The following SOCS4 variants were observed in gnomAD, a reference collection of about 807,000 sequenced individuals.
SOCS4 encodes the protein SH2 domain containing SOCS box protein.
In SOCS4, 20 loss-of-function variants were observed where a neutral mutation model predicts 34.1. The observed-to-expected ratio is 0.59, with a 90% CI of 0.41 to 0.85. The LOEUF (loss-of-function observed/expected upper bound fraction) is 0.85, where lower values mean the gene tolerates loss of function less well. Ranked by LOEUF, SOCS4 falls within the 40% of genes least tolerant of loss-of-function variation. The pLI, the probability that SOCS4 is intolerant of heterozygous loss-of-function variation, is 0.00. For missense variants in SOCS4, 479 were observed against 532.4 expected (o/e 0.90, Z 0.99); for synonymous variants, 180 against 186.4 (o/e 0.97, Z 0.28).
intron 1 of SOCS4, among the ~76,000 whole-genome samples, chr14:55,028,115 T>C (rs2042486617): frequency 6.6e-6 from 1 of 152,256 alleles, no homozygotes; most frequent in South Asian, 2.1e-4. Flanking sequence ...ACATTTATTT[T>C]ATTACCTGAG....
chr14:55,038,396 G>A (rs553036478), intron 2 of SOCS4, among the ~76,000 whole-genome samples: 1 of 152,304 alleles, frequency 6.6e-6, no homozygotes, highest in East Asian at 1.9e-4. Context: ...CTGTGGATAT[G>A]TGTGCTTCAC....
In SOCS4 at chr14:55,045,678, A is replaced by T. The variant is rs1217395739; in HGVS notation, c.*1314A>T. On this transcript the variant is annotated 3_prime_UTR_variant, in exon 3 of 3. Coordinates refer to ENST00000555846, the MANE Select transcript of SOCS4 (RefSeq NM_199421.2). ...GTAAAAATAAATGGAGTGGTATCCTATCTTCTTTTTTTAAGGAATCAATGA... is the reference window on the plus strand; with the variant it reads ...GTAAAAATAAATGGAGTGGTATCCTTTCTTCTTTTTTTAAGGAATCAATGA... The T allele has an allele frequency of 5.4e-5, 9 of 166,916 alleles. No individual in the cohort carries two copies. Among genetic ancestry groups the T allele is most frequent in the Non-Finnish European group, 1.3e-4 (9 of 68,010 alleles). 10.3% of individuals were successfully genotyped at this position (166,916 alleles called of 1,614,324 possible).
At chr14:55,037,958 T>C (rs1017529004) in intron 2 of SOCS4, among the ~76,000 whole-genome samples, 9 of 152,238 alleles carry the variant, frequency 5.9e-5, no homozygotes, top group African/African-American at 1.9e-4. Context: ...AAAAGTCTTA[T>C]ATTAGTCTGT....
intron 2 of SOCS4, among the ~76,000 whole-genome samples, chr14:55,039,964 GC>G (rs1219200192): frequency 6.6e-6 from 1 of 152,120 alleles, no homozygotes; most frequent in Non-Finnish European, 1.5e-5. Flanking sequence ...AGGAAGAAAT[GC>G]CACAATTTAG....
In SOCS4 at chr14:55,044,058, T is replaced by C. The variant is rs772007176; in HGVS notation, c.1017T>C (p.Asn339=). 7 of 1,614,046 alleles carry C rather than the reference T, an allele frequency of 4.3e-6. No homozygotes were observed. Residue 339 remains asparagine, a synonymous_variant, in exon 3 of 3, where the codon AAT becomes AAC. Coordinates refer to ENST00000555846, the MANE Select transcript of SOCS4 (RefSeq NM_199421.2). ...RSLHARIEQW[N]HNFSFDAHDP... ...TTCATGCTAGAATTGAACAGTGGAA[T>C]CACAACTTTAGCTTTGATGCACATG...
chr14:55,031,321 G>A (rs1433657290), intron 1 of SOCS4, among the ~76,000 whole-genome samples: 2 of 152,112 alleles, frequency 1.3e-5, no homozygotes, highest in East Asian at 1.9e-4. Context: ...CTTAGGGAAT[G>A]TACACTGATG....
At chr14:55,038,716 TAAG>T (rs2042593438) in intron 2 of SOCS4, among the ~76,000 whole-genome samples, 1 of 152,212 alleles carries the variant, frequency 6.6e-6, no homozygotes, top group African/African-American at 2.4e-5. Flanking sequence ...TAAATGTGGA[TAAG>T]AAACTGAGAA....
intron 2 of SOCS4, among the ~76,000 whole-genome samples, chr14:55,039,010 A>G (rs1342288254): frequency 1.3e-5 from 2 of 151,916 alleles, no homozygotes; most frequent in South Asian, 2.1e-4. Context: ...TATTTCTCAT[A>G]TTTTCTTGTT....
rs1297837341 is a variant in SOCS4 at position 55,045,700 on chromosome 14, A to G, written c.*1336A>G. The G allele has an allele frequency of 6.0e-6, 1 of 166,944 alleles. No homozygotes were observed. The highest frequency in any genetic ancestry group is 2.4e-5 in the African/African-American group (1 of 41,452). The allele number at this position is 166,944 out of a possible 1,614,324, so 10.3% of individuals were successfully genotyped here. A position where few individuals can be genotyped will look rare whatever the true frequency, so the allele number is the denominator to read the frequency against. On this transcript the variant is annotated 3_prime_UTR_variant, in exon 3 of 3. Transcript: ENST00000555846. ...CCTATCTTCTTTTTTTAAGGAATCA[A>G]TGAATAATAAATGTAGATAGACAAT...
Position 55,048,695 on chromosome 14 carries a change from G to A in SOCS4, c.*4331G>A, listed in dbSNP as rs941218608. 1 of 166,926 alleles carries A rather than the reference G, an allele frequency of 6.0e-6. No individual in the cohort carries two copies. Among genetic ancestry groups the A allele is most frequent in the African/African-American group, 2.4e-5 (1 of 41,392 alleles). 10.3% of individuals were successfully genotyped at this position (166,926 alleles called of 1,614,324 possible). A position where few individuals can be genotyped will look rare whatever the true frequency, so the allele number is the denominator to read the frequency against. Reference sequence around the variant, plus strand: ...TTAATGGATATAACCCAATAGAAAGGGATTTTCAAATAAAACCAAAGTCTA... The same window carrying A: ...TTAATGGATATAACCCAATAGAAAGAGATTTTCAAATAAAACCAAAGTCTA... On this transcript the variant is annotated 3_prime_UTR_variant, in exon 3 of 3. Coordinates refer to ENST00000555846, the MANE Select transcript of SOCS4 (RefSeq NM_199421.2).
In SOCS4 at chr14:55,044,343, T is replaced by TG. The variant is rs1408517226; in HGVS notation, c.1303dup (p.Ala435GlyfsTer23). The TG allele has an allele frequency of 4.3e-6, 7 of 1,610,960 alleles. No individual in the cohort carries two copies. The highest frequency in any genetic ancestry group is 5.9e-6 in the Non-Finnish European group (7 of 1,178,044). On this transcript the variant is annotated frameshift_variant, in exon 3 of 3. Coordinates refer to ENST00000555846, the MANE Select transcript of SOCS4 (RefSeq NM_199421.2). LOFTEE classifies it high-confidence loss of function. ...CAAAAGTTAGAGTACTCAGGATTGA[T>TG]GCACCAGAACAGCAATGCTAGTAAC...
intron 2 of SOCS4, among the ~76,000 whole-genome samples, chr14:55,041,915 C>T (rs1305723152): frequency 6.6e-6 from 1 of 151,202 alleles, no homozygotes; most frequent in Non-Finnish European, 1.5e-5. Flanking sequence ...CCTCAGCCTC[C>T]CGAGTAGCTG....
intron 1 of SOCS4, among the ~76,000 whole-genome samples, chr14:55,029,944 C>A (rs947834896): frequency 1.4e-4 from 22 of 152,108 alleles, no homozygotes; most frequent in Non-Finnish European, 2.9e-4. Flanking sequence ...GTATTTGATT[C>A]TTGTATTACA....
chr14:55,048,480 A>T lies in SOCS4; in HGVS notation c.*4116A>T, dbSNP rs1448328519. On this transcript the variant is annotated 3_prime_UTR_variant, in exon 3 of 3. Coordinates refer to ENST00000555846, the MANE Select transcript of SOCS4 (RefSeq NM_199421.2). The stretch of plus-strand genomic sequence containing the variant: ...AAACTACTGTTTCTACTTTGGGGGA[A>T]AAAAGTCAGTTTTACATTTGTAATT... 6.0e-6 allele frequency: 1 copy of T among 166,986 alleles called. No homozygotes were observed. The highest frequency in any genetic ancestry group is 2.4e-5 in the African/African-American group (1 of 41,478). 10.3% of individuals were successfully genotyped at this position (166,986 alleles called of 1,614,324 possible). A position where few individuals can be genotyped will look rare whatever the true frequency, so the allele number is the denominator to read the frequency against.
rs370151564 is a variant in SOCS4 at position 55,034,728 on chromosome 14, T to C, written c.-91+2737T>C. Among the ~76,000 whole-genome samples the C allele has an allele frequency of 9.9e-5, 15 of 151,100 alleles. No individual in the cohort carries two copies. The East Asian group carries it at 2.2e-3, about 22-fold the overall frequency. On this transcript the variant is annotated intron_variant, in intron 2 of 2. Coordinates refer to ENST00000555846, the MANE Select transcript of SOCS4 (RefSeq NM_199421.2). ...GCAGGTGCCTGTAATCCCAGCTACTTGGGAGGCTGAGGCAGGAGAATCACT... is the reference window on the plus strand; with the variant it reads ...GCAGGTGCCTGTAATCCCAGCTACTCGGGAGGCTGAGGCAGGAGAATCACT...
intron 2 of SOCS4, among the ~76,000 whole-genome samples, chr14:55,033,217 A>G (rs1267895872): frequency 6.6e-6 from 1 of 152,244 alleles, no homozygotes; most frequent in Non-Finnish European, 1.5e-5. Flanking sequence ...CACAATTTCA[A>G]AAAACTAATC....
chr14:55,028,562 A>G (rs964062947), intron 1 of SOCS4, among the ~76,000 whole-genome samples: 1 of 152,108 alleles, frequency 6.6e-6, no homozygotes, highest in Non-Finnish European at 1.5e-5. Flanking sequence ...GCGTGGTGAG[A>G]TTTCTGGTTA....
intron 2 of SOCS4, among the ~76,000 whole-genome samples, chr14:55,034,520 A>AT (rs1208011577): frequency 6.6e-6 from 1 of 152,172 alleles, no homozygotes; most frequent in East Asian, 1.9e-4. Flanking sequence ...TCTGAGATAG[A>AT]TACAAAACAG....
chr14:55,037,473 T>C (rs2042583162), intron 2 of SOCS4, among the ~76,000 whole-genome samples: 1 of 151,694 alleles, frequency 6.6e-6, no homozygotes, highest in Admixed American at 6.6e-5. Context: ...AAAATTCTTA[T>C]TCTAGTTGTC....
Sources: allele counts gnomAD v4.1 joint callset (sites outside exome capture counted in the v4.1 genomes callset), GRCh38; gene constraint gnomAD v4.1.1; transcripts MANE v1.5; gene names NCBI Gene and HGNC (gene_info 2026-07-23, HGNC 2026-07-21).